BAX: variants seen among roughly 807,000 people sequenced by gnomAD.
The protein encoded by BAX is BCL2 associated X, apoptosis regulator, also known as apoptosis regulator BAX.
Under a neutral mutation model 26.8 loss-of-function variants are expected in BAX, and 21 were observed. The ratio of observed to expected loss-of-function variants is 0.78; its 90% CI spans 0.56 to 1.13. BAX has a LOEUF of 1.13. Among genes scored for constraint, BAX ranks in the 50% most tolerant of loss-of-function variants. The pLI, the probability that BAX is intolerant of heterozygous loss-of-function variation, is 0.00. For missense variants in BAX, 236 were observed against 254.6 expected (o/e 0.93, Z 0.50); for synonymous variants, 110 against 101.8 (o/e 1.08, Z -0.49).
intron 4 of BAX, among the ~76,000 whole-genome samples, chr19:48,959,826 C>CA (rs764008422): frequency 0.015 from 1,805 of 118,710 alleles, 33 homozygotes; most frequent in African/African-American, 0.049. Context: ...AACTCTATCT[C>CA]AAAAAAAAAA....
In BAX at chr19:48,960,830, G is replaced by A. The variant is rs371947281; in HGVS notation, c.390G>A (p.Pro130=). The part of the protein sequence containing the change: ...LVLKALCTKV[P]ELIRTIMGWT... Reference sequence around the variant, plus strand: ...CACAGGCCCTGTGCACCAAGGTGCCGGAACTGATCAGAACCATCATGGGCT... The same window carrying A: ...CACAGGCCCTGTGCACCAAGGTGCCAGAACTGATCAGAACCATCATGGGCT... Residue 130 remains proline, a synonymous_variant, in exon 5 of 6, where the codon CCG becomes CCA. Coordinates refer to ENST00000345358, the MANE Select transcript of BAX (RefSeq NM_138761.4). 50 of 1,613,462 alleles carry A rather than the reference G, an allele frequency of 3.1e-5. No homozygotes were observed. Among genetic ancestry groups the A allele is most frequent in the African/African-American group, 2.0e-4 (15 of 74,912 alleles).
intron 5 of BAX, chr19:48,961,275 AG>A: frequency 7.0e-7 from 1 of 1,419,852 alleles, no homozygotes; most frequent in Non-Finnish European, 9.2e-7. Context: ...CCCACTGAGA[AG>A]GGGTCTCGCT....
At chr19:48,956,619 T>A (rs4645887) in intron 4 of BAX, among the ~76,000 whole-genome samples, 47,302 of 151,330 alleles carry the variant, frequency 0.31, 7,704 homozygotes, top group Middle Eastern at 0.4. Flanking sequence ...AAGTGGGCAG[T>A]GTGATTTAGC....
intron 5 of BAX, chr19:48,961,275 A>AG (rs750515117): frequency 4.4e-5 from 62 of 1,419,744 alleles, no homozygotes; most frequent in Non-Finnish European, 5.0e-5. Flanking sequence ...CCCACTGAGA[A>AG]GGGGTCTCGC....
At chr19:48,955,104 C>T in intron 1 of BAX, 142 bp downstream of exon 1, 12 of 1,013,292 alleles carry the variant, frequency 1.2e-5, no homozygotes, top group Non-Finnish European at 1.5e-5. Flanking sequence ...AGCCTCCAGT[C>T]CCCTCCGTCC....
chr19:48,961,511 GA>G lies in BAX; in HGVS notation c.475-20del. 6.3e-7 allele frequency: 1 copy of G among 1,583,518 alleles called. No individual in the cohort carries two copies. Among genetic ancestry groups the G allele is most frequent in the Non-Finnish European group, 8.6e-7 (1 of 1,161,130 alleles). On this transcript the variant is annotated intron_variant, in intron 5 of 5. Coordinates refer to ENST00000345358, the MANE Select transcript of BAX (RefSeq NM_138761.4). Reference sequence around the variant, plus strand: ...CTGCCCCTGGCCGAGTCACTGAAGCGACTGATGTCCCTGTCTCCAGGACGGC... The same window carrying G: ...CTGCCCCTGGCCGAGTCACTGAAGCGCTGATGTCCCTGTCTCCAGGACGGC...
At chr19:48,961,353 C>T (rs2038353293) in intron 5 of BAX, 179 bp from the exon 6 acceptor site, 2 of 1,287,248 alleles carry the variant, frequency 1.6e-6, no homozygotes, top group East Asian at 5.1e-5. Flanking sequence ...TCTCAAAGTG[C>T]TGGGATTACA....
At chr19:48,957,666 G>A (rs1032471533) in intron 4 of BAX, among the ~76,000 whole-genome samples, 2 of 152,126 alleles carry the variant, frequency 1.3e-5, no homozygotes, top group African/African-American at 4.8e-5. Context: ...AACTTTAAGA[G>A]ATTATTCTAG....
At chr19:48,961,024 G>A in intron 5 of BAX, 110 bp downstream of exon 5, 1 of 1,612,142 alleles carries the variant, frequency 6.2e-7, no homozygotes, top group Non-Finnish European at 8.5e-7. Context: ...TTCTGGAGCA[G>A]GTCACAGTGG....
intron 4 of BAX, chr19:48,960,433 G>A (rs1217698373): frequency 6.1e-6 from 2 of 326,372 alleles, no homozygotes; most frequent in Non-Finnish European, 1.2e-5. Context: ...GCGCAACCTC[G>A]GCTCACTGCA....
chr19:48,955,210 C>T (rs2038074845), intron 1 of BAX: 1 of 438,028 alleles, frequency 2.3e-6, no homozygotes, highest in Non-Finnish European at 3.8e-6. Flanking sequence ...AAGCCAAGCC[C>T]CCGGGCAGGC....
At chr19:48,955,093 C>G (rs2038070592) in intron 1 of BAX, 131 bp downstream of exon 1, 2 of 1,094,430 alleles carry the variant, frequency 1.8e-6, no homozygotes, top group South Asian at 9.1e-5. Flanking sequence ...CGGGCGCTGC[C>G]AGCCTCCAGT....
At chr19:48,961,492 C>G in intron 5 of BAX, 40 bp from the exon 6 acceptor site, 1 of 1,535,162 alleles carries the variant, frequency 6.5e-7, no homozygotes, top group Non-Finnish European at 8.9e-7. Context: ...GGGGCTGCCC[C>G]TGGCCGAGTC....
In BAX at chr19:48,958,971, G is replaced by A. The variant is rs73063570; in HGVS notation, c.370-1839G>A. Among the ~76,000 whole-genome samples, 1,219 of 152,302 alleles carry A rather than the reference G, an allele frequency of 8.0e-3. 7 individuals carry two copies. The highest frequency in any genetic ancestry group is 0.027 in the Middle Eastern group (8 of 294). On this transcript the variant is annotated intron_variant, in intron 4 of 5. Transcript: ENST00000345358. ...GAGCGGGGATGATAGAATAGAAGTGGCCAGATAAAGGCTGCAGGAGAAGTC... is the reference window on the plus strand; with the variant it reads ...GAGCGGGGATGATAGAATAGAAGTGACCAGATAAAGGCTGCAGGAGAAGTC...
chr19:48,957,027 G>A (rs1041938253), intron 4 of BAX, among the ~76,000 whole-genome samples: 9 of 150,428 alleles, frequency 6.0e-5, no homozygotes, highest in Admixed American at 4.6e-4. Flanking sequence ...TAAAGCCAAA[G>A]CTAGAATGAT....
rs772133190 is a variant in BAX, at chr19:48,955,720, G to T, written c.120G>T (p.Gly40=). 1.9e-6 allele frequency: 3 copies of T among 1,612,918 alleles called. No individual in the cohort carries two copies. In the South Asian group the frequency reaches 3.3e-5, roughly 18 times the overall value. The change falls in exon 3 of 6, where the codon GGG becomes GGT. Residue 40 remains glycine, a synonymous_variant. Coordinates refer to ENST00000345358, the MANE Select transcript of BAX (RefSeq NM_138761.4). ...AGGATCGAGCAGGGCGAATGGGGGG[G>T]GAGGCACCCGAGCTGGCCCTGGACC... ...FIQDRAGRMG[G]EAPELALDPV... is the part of the protein sequence containing the mutation.
chr19:48,955,693 C>T lies in BAX; in HGVS notation c.93C>T (p.Ile31=), dbSNP rs1203955358. The change falls in exon 3 of 6, where the codon ATC becomes ATT. Residue 31 remains isoleucine, a synonymous_variant. Transcript: ENST00000345358. The stretch of plus-strand genomic sequence containing the variant: ...CACTCCATCCCCACTCTAGTTTCAT[C>T]CAGGATCGAGCAGGGCGAATGGGGG... ...KTGALLLQGF[I]QDRAGRMGGE... 2 of 1,612,342 alleles carry T rather than the reference C, an allele frequency of 1.2e-6. No individual in the cohort carries two copies. Among genetic ancestry groups the T allele is most frequent in the Non-Finnish European group, 1.7e-6 (2 of 1,178,964 alleles).
Position 48,961,580 on chromosome 19 carries a change from A to G in BAX, c.523A>G (p.Ile175Val), listed in dbSNP as rs909246907. The G allele has an allele frequency of 1.2e-6, 2 of 1,611,872 alleles. No homozygotes were observed. The highest frequency in any genetic ancestry group is 1.7e-6 in the Non-Finnish European group (2 of 1,179,102). ...GACGCCCACGTGGCAGACCGTGACCATCTTTGTGGCGGGAGTGCTCACCGC... is the reference window on the plus strand; with the variant it reads ...GACGCCCACGTGGCAGACCGTGACCGTCTTTGTGGCGGGAGTGCTCACCGC... Reference protein sequence around the residue: ...FGTPTWQTVTIFVAGVLTASL... With the variant: ...FGTPTWQTVTVFVAGVLTASL... Residue 175 changes from isoleucine (I) to valine (V), a missense_variant, in exon 6 of 6, where the codon ATC becomes GTC. By Grantham distance (29) the Ile-to-Val change is conservative. Coordinates refer to ENST00000345358, the MANE Select transcript of BAX (RefSeq NM_138761.4).
In BAX at chr19:48,960,920, A is replaced by ACTCCTCAAGC; in HGVS notation, c.474+14_474+23dup. 1 of 1,611,876 alleles carries ACTCCTCAAGC rather than the reference A, an allele frequency of 6.2e-7. No individual in the cohort carries two copies. Among genetic ancestry groups the ACTCCTCAAGC allele is most frequent in the Non-Finnish European group, 8.5e-7 (1 of 1,179,330 alleles). ...TCCAAGACCAGGGTGGTTGGGTGAG[A>ACTCCTCAAGC]CTCCTCAAGCCTCCTCACCCCCACC... On this transcript the variant is annotated splice_region_variant and intron_variant, in intron 5 of 5. Coordinates refer to ENST00000345358, the MANE Select transcript of BAX (RefSeq NM_138761.4).
Sources: allele counts gnomAD v4.1 joint callset (sites outside exome capture counted in the v4.1 genomes callset), GRCh38; gene constraint gnomAD v4.1.1; transcripts MANE v1.5; gene names NCBI Gene and HGNC (gene_info 2026-07-23, HGNC 2026-07-21).